Variants in PDE1C observed in about 807,000 individuals in gnomAD.
PDE1C encodes phosphodiesterase 1C.
In PDE1C, 62 loss-of-function variants were observed where a neutral mutation model predicts 93.1. That is an observed-to-expected ratio of 0.67 (90% CI 0.54 to 0.82). The LOEUF (loss-of-function observed/expected upper bound fraction) is 0.82, where lower values mean the gene tolerates loss of function less well. Ranked by LOEUF, PDE1C falls within the 40% of genes least tolerant of loss-of-function variation. The probability of loss-of-function intolerance (pLI) is 0.00; values close to 1 mark genes in which losing one functional copy is unlikely to be tolerated. For missense variants in PDE1C, 742 were observed against 884.6 expected (o/e 0.84, Z 2.04); for synonymous variants, 325 against 310.1 (o/e 1.05, Z -0.50).
At chr7:32,376,276 G>T (rs1297476557) in intron 1 of PDE1C, among the ~76,000 whole-genome samples, 1 of 152,210 alleles carries the variant, frequency 6.6e-6, no homozygotes, top group Non-Finnish European at 1.5e-5. Context: ...AGATCTTTGT[G>T]ATTTTATCTG....
intron 2 of PDE1C, among the ~76,000 whole-genome samples, chr7:31,951,282 C>T (rs191401230): frequency 6.6e-6 from 1 of 152,260 alleles, no homozygotes; most frequent in Admixed American, 6.5e-5. Context: ...ACGGTAACCT[C>T]CAGGAGTTTA....
At chr7:31,794,748 G>T (rs1420577991) in intron 16 of PDE1C, among the ~76,000 whole-genome samples, 1 of 151,930 alleles carries the variant, frequency 6.6e-6, no homozygotes, top group East Asian at 1.9e-4. Flanking sequence ...GTAGAGTTAA[G>T]CACCCTTGTC....
the PDE1C span, chr7:31,643,645 G>T: frequency 6.2e-7 from 1 of 1,614,030 alleles, no homozygotes; most frequent in Non-Finnish European, 8.5e-7. Flanking sequence ...ACAGTTAAAT[G>T]ATGCTTCCAT....
rs529641412 is a variant in PDE1C, at chr7:32,214,733, G to C, written c.86-5194C>G. Among the ~76,000 whole-genome samples the C allele has an allele frequency of 6.6e-5, 10 of 152,212 alleles. No individual in the cohort carries two copies. In the South Asian group the frequency reaches 1.2e-3, roughly 19 times the overall value. ...CCATTAAGATGCAAACCTAACTATG[G>C]AGACCTATTAGTGGGCAACTCTTTG... is the stretch of plus-strand genomic sequence containing the variant. On this transcript the variant is annotated intron_variant, in intron 1 of 18. Coordinates refer to the PDE1C transcript ENST00000396193.
chr7:31,815,065 G>T (rs891638873), intron 15 of PDE1C, among the ~76,000 whole-genome samples: 1 of 151,918 alleles, frequency 6.6e-6, no homozygotes, highest in African/African-American at 2.4e-5. Flanking sequence ...CATCTGACCA[G>T]CCAGCTTCAG....
At chr7:31,939,596 G>A (rs997342537) in intron 2 of PDE1C, among the ~76,000 whole-genome samples, 1 of 152,118 alleles carries the variant, frequency 6.6e-6, no homozygotes, top group African/African-American at 2.4e-5. Flanking sequence ...AAATTGATAA[G>A]AGATGAGGAA....
the PDE1C span, among the ~76,000 whole-genome samples, chr7:31,675,691 AAATAT>A: frequency 6.6e-6 from 1 of 151,408 alleles, no homozygotes; most frequent in Non-Finnish European, 1.5e-5. Flanking sequence ...CAAATTTAAT[AAATAT>A]AATAAATAAA....
chr7:32,161,542 CAGGGGT>C (rs146634892), intron 3 of PDE1C, among the ~76,000 whole-genome samples: 2,490 of 152,286 alleles, frequency 0.016, 79 homozygotes, highest in African/African-American at 0.056. Context: ...TACTGACCCC[CAGGGGT>C]AGTTTGGTCC....
intron 15 of PDE1C, among the ~76,000 whole-genome samples, chr7:31,811,281 A>G (rs1415541004): frequency 2.0e-5 from 3 of 152,088 alleles, no homozygotes; most frequent in African/African-American, 7.2e-5. Flanking sequence ...AAGCCTCCCC[A>G]GCCACGTGGA....
At chr7:31,694,824 G>T in the PDE1C span, among the ~76,000 whole-genome samples, 1 of 152,160 alleles carries the variant, frequency 6.6e-6, no homozygotes, top group Non-Finnish European at 1.5e-5. Flanking sequence ...TAAAAGCCAG[G>T]CTTCAAAGCT....
chr7:32,119,055 C>T (rs1300764909), intron 3 of PDE1C, among the ~76,000 whole-genome samples: 1 of 152,116 alleles, frequency 6.6e-6, no homozygotes, highest in African/African-American at 2.4e-5. Context: ...AGGAACCAGC[C>T]TCAATGGCAA....
At chr7:31,998,033 T>TATTTATTTA (rs1554456823) in intron 2 of PDE1C, among the ~76,000 whole-genome samples, 5 of 150,926 alleles carry the variant, frequency 3.3e-5, no homozygotes, top group African/African-American at 1.2e-4. Flanking sequence ...TTTATTTATT[T>TATTTATTTA]TTTTGAGACG....
intron 1 of PDE1C, among the ~76,000 whole-genome samples, chr7:32,393,373 A>T (rs1397030482): frequency 6.6e-6 from 1 of 152,216 alleles, no homozygotes; most frequent in East Asian, 1.9e-4. Context: ...GAATCCATTA[A>T]AAACTACTAG....
At chr7:31,624,788 A>G in the PDE1C span, among the ~76,000 whole-genome samples, 1 of 152,126 alleles carries the variant, frequency 6.6e-6, no homozygotes, top group Non-Finnish European at 1.5e-5. Flanking sequence ...TAATTAAACT[A>G]AAGAGCTTCT....
intron 9 of PDE1C, among the ~76,000 whole-genome samples, chr7:31,840,669 AAACCAT>A (rs1791743593): frequency 6.6e-6 from 1 of 152,130 alleles, no homozygotes; most frequent in African/African-American, 2.4e-5. Flanking sequence ...CATTGTTCCA[AAACCAT>A]TTGTTGAAAA....
intron 1 of PDE1C, among the ~76,000 whole-genome samples, chr7:32,285,378 T>C (rs1231859224): frequency 6.6e-6 from 1 of 152,148 alleles, no homozygotes; most frequent in Non-Finnish European, 1.5e-5. Context: ...TTAAAACATA[T>C]GTCCACACAA....
intron 2 of PDE1C, among the ~76,000 whole-genome samples, chr7:31,907,747 A>C (rs920493034): frequency 3.3e-5 from 5 of 152,176 alleles, no homozygotes; most frequent in African/African-American, 1.2e-4. Context: ...ATAGCTGGAA[A>C]ATATCTCGTA....
intron 2 of PDE1C, among the ~76,000 whole-genome samples, chr7:32,193,925 T>G (rs531500535): frequency 0.036 from 5,319 of 147,680 alleles, 356 homozygotes; most frequent in African/African-American, 0.12. Context: ...TGTTTTTTTT[T>G]TTTTTTTGAG....
intron 2 of PDE1C, among the ~76,000 whole-genome samples, chr7:32,042,317 GA>G (rs1791932489): frequency 6.6e-6 from 1 of 151,886 alleles, no homozygotes; most frequent in South Asian, 2.1e-4. Context: ...AACAAAAACA[GA>G]AAACAGACAA....
Sources: allele counts gnomAD v4.1 joint callset (sites outside exome capture counted in the v4.1 genomes callset), GRCh38; gene constraint gnomAD v4.1.1; transcripts MANE v1.5; gene names NCBI Gene and HGNC (gene_info 2026-07-23, HGNC 2026-07-21).